Variants in ADGRB3 observed in about 807,000 individuals in gnomAD.
ADGRB3 encodes adhesion G protein-coupled receptor B3.
Under a neutral mutation model 193.4 loss-of-function variants are expected in ADGRB3, and 37 were observed. The ratio of observed to expected loss-of-function variants is 0.19; its 90% CI spans 0.15 to 0.25. ADGRB3 has a LOEUF of 0.25. Ranked by LOEUF, ADGRB3 falls within the 10% of genes least tolerant of loss-of-function variation. ADGRB3 has a pLI of 1.00. For synonymous variants in ADGRB3, 690 were observed against 644.2 expected, an observed-to-expected ratio of 1.07 and a Z score of -1.08; for missense variants, 1,637 against 1,852.9, an observed-to-expected ratio of 0.88 and a Z score of 2.14.
intron 17 of ADGRB3, among the ~76,000 whole-genome samples, chr6:69,077,187 T>G (rs1295857855): frequency 6.6e-6 from 1 of 151,974 alleles, no homozygotes; most frequent in Non-Finnish European, 1.5e-5. Context: ...TCATTATTAT[T>G]TTTTTCTTTT....
intron 13 of ADGRB3, among the ~76,000 whole-genome samples, chr6:69,038,174 G>A (rs1449927820): frequency 6.6e-6 from 1 of 151,940 alleles, no homozygotes; most frequent in African/African-American, 2.4e-5. Context: ...TGCTCTTCTG[G>A]GAATGAGTGA....
intron 17 of ADGRB3, among the ~76,000 whole-genome samples, chr6:69,203,053 A>G (rs1394272589): frequency 6.6e-6 from 1 of 152,146 alleles, no homozygotes; most frequent in Non-Finnish European, 1.5e-5. Flanking sequence ...TGGTAACATA[A>G]CATAGTGATC....
chr6:69,125,468 T>TA (rs1275307089), intron 17 of ADGRB3, among the ~76,000 whole-genome samples: 1 of 152,110 alleles, frequency 6.6e-6, no homozygotes, highest in African/African-American at 2.4e-5. Context: ...AGTGCCTTTA[T>TA]AAAAGAGACA....
At chr6:68,730,452 TAA>T (rs1370706375) in intron 3 of ADGRB3, among the ~76,000 whole-genome samples, 5 of 151,610 alleles carry the variant, frequency 3.3e-5, no homozygotes, top group Non-Finnish European at 7.4e-5. Context: ...AGGAAACATC[TAA>T]TAAAGTTGAT....
At chr6:68,750,514 C>G (rs1044188934) in intron 3 of ADGRB3, among the ~76,000 whole-genome samples, 1 of 152,190 alleles carries the variant, frequency 6.6e-6, no homozygotes, top group African/African-American at 2.4e-5. Flanking sequence ...TATATTTGCA[C>G]TGAAGCAAAA....
At chr6:69,286,071 T>C (rs1248779424) in intron 20 of ADGRB3, among the ~76,000 whole-genome samples, 1 of 152,140 alleles carries the variant, frequency 6.6e-6, no homozygotes, top group Non-Finnish European at 1.5e-5. Context: ...CTTGTTCCAC[T>C]TCTGCTTCTA....
At chr6:69,267,299 A>T (rs1213267300) in intron 20 of ADGRB3, among the ~76,000 whole-genome samples, 2 of 152,098 alleles carry the variant, frequency 1.3e-5, no homozygotes, top group Admixed American at 1.3e-4. Flanking sequence ...CTTGTCCCAC[A>T]TTATGGGGAG....
At chr6:69,244,470 C>T (rs1006295847) in intron 20 of ADGRB3, among the ~76,000 whole-genome samples, 1 of 151,952 alleles carries the variant, frequency 6.6e-6, no homozygotes, top group Non-Finnish European at 1.5e-5. Context: ...GCCAATAGTC[C>T]CAGCTTCTGC....
intron 17 of ADGRB3, among the ~76,000 whole-genome samples, chr6:69,097,101 A>G (rs1772901466): frequency 6.6e-6 from 1 of 152,222 alleles, no homozygotes; most frequent in Non-Finnish European, 1.5e-5. Flanking sequence ...ATGAGAACTA[A>G]ATACTACAGT....
At chr6:69,302,680 A>G (rs1767973320) in intron 20 of ADGRB3, among the ~76,000 whole-genome samples, 1 of 151,998 alleles carries the variant, frequency 6.6e-6, no homozygotes, top group Non-Finnish European at 1.5e-5. Context: ...AGGATTGTCG[A>G]CTTTATGAAA....
rs555768639 is a variant in ADGRB3 at position 69,157,292 on chromosome 6, G to A, written c.2481-75998G>A. 3.3e-5 allele frequency among the ~76,000 whole-genome samples: 5 copies of A among 152,254 alleles called. No individual in the cohort carries two copies. In the South Asian group the frequency reaches 6.2e-4, roughly 19 times the overall value. On this transcript the variant is annotated intron_variant, in intron 17 of 31. Coordinates refer to ENST00000370598, the MANE Select transcript of ADGRB3 (RefSeq NM_001704.3). ...AATAGGACACTGATGCATGAATATC[G>A]CAAGTGTCATGTGCCAAGAACCTAG... is the stretch of plus-strand genomic sequence containing the variant.
At chr6:68,804,131 C>A (rs1171384021) in intron 3 of ADGRB3, among the ~76,000 whole-genome samples, 1 of 152,158 alleles carries the variant, frequency 6.6e-6, no homozygotes, top group South Asian at 2.1e-4. Context: ...GTGATAAACT[C>A]CATGGCCCTT....
intron 17 of ADGRB3, among the ~76,000 whole-genome samples, chr6:69,107,092 C>T (rs1252007666): frequency 6.6e-6 from 1 of 152,034 alleles, no homozygotes; most frequent in Non-Finnish European, 1.5e-5. Flanking sequence ...AAAAAAAAGT[C>T]TAAGTAAATC....
chr6:68,857,832 G>C (rs1765030887), intron 3 of ADGRB3, among the ~76,000 whole-genome samples: 1 of 152,182 alleles, frequency 6.6e-6, no homozygotes, highest in Non-Finnish European at 1.5e-5. Context: ...ATCTCATCTT[G>C]TAGCTCCCAT....
chr6:69,238,200 G>T (rs896411800), intron 19 of ADGRB3, among the ~76,000 whole-genome samples: 1 of 151,982 alleles, frequency 6.6e-6, no homozygotes, highest in Non-Finnish European at 1.5e-5. Context: ...AAAAGCTCAT[G>T]CCTGCTGTGG....
chr6:69,009,858 T>A (rs1330768224), intron 11 of ADGRB3, among the ~76,000 whole-genome samples: 1 of 152,092 alleles, frequency 6.6e-6, no homozygotes, highest in Non-Finnish European at 1.5e-5. Flanking sequence ...TAGCCTAATC[T>A]ACAACTCTAT....
chr6:69,119,178 G>A (rs1773617476), intron 17 of ADGRB3, among the ~76,000 whole-genome samples: 2 of 152,172 alleles, frequency 1.3e-5, no homozygotes, highest in African/African-American at 4.8e-5. Context: ...GTCTAACTGA[G>A]CTAAAGTTAT....
At chr6:69,002,736 T>G (rs1769617643) in intron 11 of ADGRB3, among the ~76,000 whole-genome samples, 2 of 152,172 alleles carry the variant, frequency 1.3e-5, no homozygotes, top group Non-Finnish European at 1.5e-5. Flanking sequence ...CCTCATATAA[T>G]GATAGGCCTC....
chr6:69,176,677 T>G (rs71557611), intron 17 of ADGRB3, among the ~76,000 whole-genome samples: 2,515 of 152,286 alleles, frequency 0.017, 31 homozygotes, highest in Middle Eastern at 0.031. Context: ...TCCTTGATTT[T>G]TTGCAATAAT....
Sources: allele counts gnomAD v4.1 joint callset (sites outside exome capture counted in the v4.1 genomes callset), GRCh38; gene constraint gnomAD v4.1.1; transcripts MANE v1.5; gene names NCBI Gene and HGNC (gene_info 2026-07-23, HGNC 2026-07-21).